Variants in HMCN1 observed in about 807,000 individuals in gnomAD.
HMCN1 encodes hemicentin-1.
In HMCN1, 321 loss-of-function variants were observed where a neutral mutation model predicts 625.9. The observed-to-expected ratio is 0.51, with a 90% CI of 0.47 to 0.56. The LOEUF (loss-of-function observed/expected upper bound fraction) is 0.56, where lower values mean the gene tolerates loss of function less well. Ranked by LOEUF, HMCN1 falls within the 20% of genes least tolerant of loss-of-function variation. The pLI, the probability that HMCN1 is intolerant of heterozygous loss-of-function variation, is 0.00. For synonymous variants in HMCN1, 2,425 were observed against 2,417.6 expected, an observed-to-expected ratio of 1.00 and a Z score of -0.09; for missense variants, 6,588 against 6,887.3, an observed-to-expected ratio of 0.96 and a Z score of 1.54.
intron 22 of HMCN1, among the ~76,000 whole-genome samples, chr1:185,992,892 TAAC>T (rs1652526291): frequency 6.6e-6 from 1 of 152,196 alleles, no homozygotes; most frequent in East Asian, 1.9e-4. Flanking sequence ...AATACAAAGT[TAAC>T]TCAAATATAC....
intron 4 of HMCN1, among the ~76,000 whole-genome samples, chr1:185,887,024 G>A (rs773986151): frequency 3.9e-5 from 6 of 151,924 alleles, no homozygotes; most frequent in Non-Finnish European, 5.9e-5. Context: ...TTGCTGCCTC[G>A]GCACTTCTGC....
intron 36 of HMCN1, among the ~76,000 whole-genome samples, chr1:186,034,590 C>T (rs1326371446): frequency 2.0e-5 from 3 of 152,070 alleles, no homozygotes; most frequent in South Asian, 2.1e-4. Context: ...TCAGGTCGCT[C>T]GAAACCTATT....
At chr1:186,112,754 ATAT>A in intron 71 of HMCN1, 55 bp from the exon 72 acceptor site, 1 of 1,599,626 alleles carries the variant, frequency 6.3e-7, no homozygotes. Context: ...CTGTGAAATA[ATAT>A]TTATTCTCTT....
At chr1:185,937,449 A>G (rs1360709839) in intron 11 of HMCN1, among the ~76,000 whole-genome samples, 4 of 152,184 alleles carry the variant, frequency 2.6e-5, no homozygotes, top group African/African-American at 4.8e-5. Flanking sequence ...TTTCATGTGG[A>G]CAGAGACCTA....
chr1:185,961,081 C>G (rs1649986309), intron 11 of HMCN1, among the ~76,000 whole-genome samples: 2 of 152,110 alleles, frequency 1.3e-5, no homozygotes, highest in South Asian at 4.1e-4. Context: ...TAAACATTAA[C>G]TTCAAAGACT....
chr1:186,188,876 A>G (rs1653527002), intron 106 of HMCN1, among the ~76,000 whole-genome samples: 1 of 152,164 alleles, frequency 6.6e-6, no homozygotes, highest in Non-Finnish European at 1.5e-5. Flanking sequence ...ATCTTCATAA[A>G]ATGGTTCTCT....
chr1:186,131,346 A>G (rs1380827246), intron 85 of HMCN1, among the ~76,000 whole-genome samples: 1 of 152,122 alleles, frequency 6.6e-6, no homozygotes. Flanking sequence ...CTGTTATGAA[A>G]TTATTTCTAC....
intron 40 of HMCN1, among the ~76,000 whole-genome samples, chr1:186,041,638 A>G (rs1029154715): frequency 2.0e-5 from 3 of 152,304 alleles, no homozygotes; most frequent in Admixed American, 6.5e-5. Flanking sequence ...TGCCGCTCAC[A>G]ATGCTCACAA....
At chr1:186,134,567 G>A (rs1299170151) in intron 86 of HMCN1, among the ~76,000 whole-genome samples, 3 of 152,082 alleles carry the variant, frequency 2.0e-5, no homozygotes, top group Admixed American at 6.6e-5. Context: ...TGCTTTATAT[G>A]ACATTTGCTA....
intron 45 of HMCN1, 52 bp from the exon 46 acceptor site, chr1:186,057,182 A>G (rs914033876): frequency 5.9e-5 from 84 of 1,417,904 alleles, no homozygotes; most frequent in Non-Finnish European, 7.6e-5. Flanking sequence ...TATCAAATGT[A>G]TATCAGGCAA....
intron 73 of HMCN1, 63 bp downstream of exon 73, chr1:186,114,186 T>C: frequency 6.4e-7 from 1 of 1,559,530 alleles, no homozygotes; most frequent in Non-Finnish European, 8.8e-7. Context: ...TAATTTTTTT[T>C]CCTAGTGCAC....
At position 186,151,061 on chromosome 1, in the gene HMCN1, AT is replaced by A. The variant is rs1650631776; in HGVS notation, c.14609-137del. 6 of 765,924 alleles carry A rather than the reference AT, an allele frequency of 7.8e-6. No individual in the cohort carries two copies. The East Asian group carries it at 1.5e-4, about 19-fold the overall frequency. 47.4% of individuals were successfully genotyped at this position (765,924 alleles called of 1,614,324 possible). A position where few individuals can be genotyped will look rare whatever the true frequency, so the allele number is the denominator to read the frequency against. ...GTTTTAAAAGCTTATTTATTTCACT[AT>A]TAAATTCAGATGTCATATGACCTTT... is the stretch of plus-strand genomic sequence containing the variant. On this transcript the variant is annotated intron_variant, in intron 93 of 106. Transcript: ENST00000271588.
At chr1:186,102,517 A>T (rs1558224980) in intron 68 of HMCN1, among the ~76,000 whole-genome samples, 1 of 152,118 alleles carries the variant, frequency 6.6e-6, no homozygotes, top group East Asian at 1.9e-4. Context: ...CCACACACTG[A>T]TCCTATTAGG....
Position 186,115,359 on chromosome 1 carries a change from A to G in HMCN1, c.11506A>G (p.Asn3836Asp). 2 of 1,614,006 alleles carry G rather than the reference A, an allele frequency of 1.2e-6. No individual in the cohort carries two copies. The highest frequency in any genetic ancestry group is 1.7e-6 in the Non-Finnish European group (2 of 1,179,942). Reference sequence around the variant, plus strand: ...TACTGGGATACCAAAACCATCAATCAATTGGAGAAAAAATGGGCATCTTCT... The same window carrying G: ...TACTGGGATACCAAAACCATCAATCGATTGGAGAAAAAATGGGCATCTTCT... Reference protein sequence around the residue: ...EATGIPKPSINWRKNGHLLNV... With the variant: ...EATGIPKPSIDWRKNGHLLNV... Residue 3836 changes from asparagine to aspartate, a missense_variant, in exon 75 of 107, where the codon AAT becomes GAT. Coordinates refer to ENST00000271588, the MANE Select transcript of HMCN1 (RefSeq NM_031935.3).
intron 1 of HMCN1, among the ~76,000 whole-genome samples, chr1:185,764,839 TCAA>T (rs1655764809): frequency 6.6e-6 from 1 of 152,202 alleles, no homozygotes; most frequent in African/African-American, 2.4e-5. Context: ...AACAGATAGA[TCAA>T]CAACATGTAA....
intron 41 of HMCN1, 40 bp downstream of exon 41, chr1:186,045,903 G>A: frequency 1.4e-6 from 2 of 1,450,180 alleles, no homozygotes; most frequent in Admixed American, 1.7e-5. Context: ...TATGTTATTA[G>A]AAGTTCATGG....
At chr1:185,978,091 T>C (rs1048040802) in intron 16 of HMCN1, 110 bp downstream of exon 16, 2 of 782,060 alleles carry the variant, frequency 2.6e-6, no homozygotes, top group African/African-American at 3.5e-5. Flanking sequence ...TGCCAACACA[T>C]TTTATGTTCA....
At chr1:185,754,254 G>C (rs937066262) in intron 1 of HMCN1, among the ~76,000 whole-genome samples, 3 of 152,150 alleles carry the variant, frequency 2.0e-5, no homozygotes, top group African/African-American at 7.2e-5. Flanking sequence ...GGTCACCAGA[G>C]GCTAGGGAGT....
chr1:186,051,245 T>G (rs1656928810), intron 42 of HMCN1, among the ~76,000 whole-genome samples: 1 of 152,098 alleles, frequency 6.6e-6, no homozygotes. Context: ...CAGGTCTGTA[T>G]TTTAGAAGAA....
Sources: gnomAD v4.1 joint callset for allele counts (sites outside exome capture counted in the v4.1 genomes callset) on GRCh38, gnomAD v4.1.1 for gene constraint, MANE v1.5 for transcripts, NCBI Gene and HGNC (gene_info 2026-07-23, HGNC 2026-07-21) for gene names.